Variants in STIM2 observed in about 807,000 individuals in gnomAD.
STIM2 encodes stromal interaction molecule 2.
Under a neutral mutation model 85.8 loss-of-function variants are expected in STIM2, and 31 were observed. That is an observed-to-expected ratio of 0.36 (90% CI 0.27 to 0.49). STIM2 has a LOEUF of 0.49. Among genes scored for constraint, STIM2 ranks in the 20% least tolerant of loss-of-function variants. The pLI is 0.98. For missense variants in STIM2, 841 were observed against 927.6 expected (o/e 0.91, Z 1.21); for synonymous variants, 356 against 331.1 (o/e 1.08, Z -0.82).
intron 2 of STIM2, among the ~76,000 whole-genome samples, chr4:26,929,323 G>A (rs565691178): frequency 3.4e-4 from 52 of 152,198 alleles, no homozygotes; most frequent in African/African-American, 1.2e-3. Context: ...TATTAATTCT[G>A]CAGTTCTTGT....
chr4:26,971,832 G>T (rs1218202167), intron 3 of STIM2, among the ~76,000 whole-genome samples: 1 of 152,188 alleles, frequency 6.6e-6, no homozygotes, highest in Non-Finnish European at 1.5e-5. Flanking sequence ...ACCTTGGGCA[G>T]TATGGCCATT....
chr4:26,926,210 C>T (rs1380094941), intron 2 of STIM2, among the ~76,000 whole-genome samples: 1 of 15,090 alleles, frequency 6.6e-5, no homozygotes, highest in Non-Finnish European at 1.1e-4. Flanking sequence ...AAAAAGAGCC[C>T]GCATCGCCAA....
chr4:26,974,083 C>G (rs894651846), intron 3 of STIM2, among the ~76,000 whole-genome samples: 1 of 152,112 alleles, frequency 6.6e-6, no homozygotes, highest in Admixed American at 6.5e-5. Context: ...TTTCCATTTG[C>G]TCAGTGGATC....
chr4:26,963,108 C>T (rs1012246869), intron 3 of STIM2, among the ~76,000 whole-genome samples: 3 of 151,944 alleles, frequency 2.0e-5, no homozygotes, highest in Non-Finnish European at 2.9e-5. Context: ...TTCAAGTGTA[C>T]CTAAAGGCTA....
intron 1 of STIM2, among the ~76,000 whole-genome samples, chr4:26,887,256 C>G (rs1207868663): frequency 8.3e-6 from 1 of 120,732 alleles, no homozygotes; most frequent in African/African-American, 3.1e-5. Flanking sequence ...TTTATTTGAG[C>G]TTTTTTTCTT....
At chr4:26,873,545 A>G (rs547443942) in intron 1 of STIM2, 175 of 407,780 alleles carry the variant, frequency 4.3e-4, no homozygotes, top group African/African-American at 3.4e-3. Context: ...AACTCTGACT[A>G]CTTTGTCCAG....
At chr4:26,995,708 A>G (rs1029085866) in intron 4 of STIM2, among the ~76,000 whole-genome samples, 1 of 152,228 alleles carries the variant, frequency 6.6e-6, no homozygotes, top group Middle Eastern at 3.4e-3. Flanking sequence ...TTTCCAAGGA[A>G]CATGATTTTG....
In STIM2 at chr4:26,954,281, G is replaced by T. The variant is rs531208838; in HGVS notation, c.283-3331G>T. On this transcript the variant is annotated intron_variant, in intron 2 of 11. Transcript: ENST00000467087. Reference sequence around the variant, plus strand: ...TGGTACTAGAAGAGTTTATTTAAAAGAATCGTCTGAGCGAATCTTTTAAAA... The same window carrying T: ...TGGTACTAGAAGAGTTTATTTAAAATAATCGTCTGAGCGAATCTTTTAAAA... Among the ~76,000 whole-genome samples, 21 of 152,224 alleles carry T rather than the reference G, an allele frequency of 1.4e-4. No individual in the cohort carries two copies. The South Asian group carries it at 4.3e-3, about 32-fold the overall frequency.
intron 1 of STIM2, among the ~76,000 whole-genome samples, chr4:26,911,375 A>G (rs1276963832): frequency 1.3e-5 from 2 of 152,214 alleles, no homozygotes; most frequent in Non-Finnish European, 2.9e-5. Flanking sequence ...TGTTTTTGCT[A>G]GGGTCCAGGT....
chr4:26,921,418 G>A (rs2109067052), intron 2 of STIM2, among the ~76,000 whole-genome samples: 1 of 152,336 alleles, frequency 6.6e-6, no homozygotes, highest in African/African-American at 2.4e-5. Context: ...ATACAGGCCA[G>A]TTGGCAAATT....
At chr4:26,895,451 C>T (rs144892401) in intron 1 of STIM2, among the ~76,000 whole-genome samples, 5 of 152,204 alleles carry the variant, frequency 3.3e-5, no homozygotes, top group African/African-American at 1.2e-4. Flanking sequence ...TGGATCCATA[C>T]GTTTTGAGTT....
intron 2 of STIM2, among the ~76,000 whole-genome samples, chr4:26,951,187 C>T (rs942940646): frequency 5.3e-5 from 8 of 152,068 alleles, no homozygotes; most frequent in African/African-American, 1.9e-4. Flanking sequence ...ACTTTTTATA[C>T]AGTTATCTGA....
chr4:26,978,188 ATGT>A (rs1467762899), intron 3 of STIM2, among the ~76,000 whole-genome samples: 1 of 151,302 alleles, frequency 6.6e-6, no homozygotes, highest in Non-Finnish European at 1.5e-5. Flanking sequence ...AAGGGAGATA[ATGT>A]TGTGAATAAT....
intron 1 of STIM2, among the ~76,000 whole-genome samples, chr4:26,907,933 G>C (rs1724190449): frequency 6.6e-6 from 1 of 152,302 alleles, no homozygotes; most frequent in Non-Finnish European, 1.5e-5. Flanking sequence ...TATGATTGTA[G>C]CATAGCTTTG....
intron 1 of STIM2, among the ~76,000 whole-genome samples, chr4:26,876,463 C>T (rs1022642144): frequency 5.3e-5 from 8 of 152,146 alleles, no homozygotes; most frequent in Admixed American, 3.3e-4. Context: ...CCTTGCTTTA[C>T]TCTTATCAAT....
At chr4:27,008,714 T>C (rs752159843) in intron 9 of STIM2, 50 bp from the exon 10 acceptor site, 251 of 1,567,710 alleles carry the variant, frequency 1.6e-4, no homozygotes, top group Non-Finnish European at 2.0e-4. Flanking sequence ...TTCAGTGCCA[T>C]ATTAAAGACC....
intron 1 of STIM2, among the ~76,000 whole-genome samples, chr4:26,892,121 A>T (rs1723513174): frequency 6.6e-6 from 1 of 152,216 alleles, no homozygotes; most frequent in South Asian, 2.1e-4. Context: ...AGGCCTCCCC[A>T]GCCATGCAGA....
chr4:26,919,230 A>G (rs558297511), intron 1 of STIM2, among the ~76,000 whole-genome samples: 137 of 152,182 alleles, frequency 9.0e-4, no homozygotes, highest in Non-Finnish European at 1.7e-3. Context: ...GAAATGGTTA[A>G]AGATGTAGAG....
chr4:27,016,296 A>C (rs911665572), intron 10 of STIM2, among the ~76,000 whole-genome samples: 1 of 152,158 alleles, frequency 6.6e-6, no homozygotes, highest in Non-Finnish European at 1.5e-5. Context: ...GTCAATTGTT[A>C]CAGCAGTTTC....
Sources: allele counts gnomAD v4.1 joint callset (sites outside exome capture counted in the v4.1 genomes callset), GRCh38; gene constraint gnomAD v4.1.1; transcripts MANE v1.5; gene names NCBI Gene and HGNC (gene_info 2026-07-23, HGNC 2026-07-21).